Variants in FRMD6 observed in about 807,000 individuals in gnomAD.
The protein encoded by FRMD6 is FERM domain containing 6.
A neutral mutation model predicts 73.2 loss-of-function variants in FRMD6; 37 were observed. The ratio of observed to expected loss-of-function variants is 0.51; its 90% CI spans 0.39 to 0.66. FRMD6 has a LOEUF of 0.66. Ranked by LOEUF, FRMD6 falls within the 30% of genes least tolerant of loss-of-function variation. The pLI is 0.00. For missense variants in FRMD6, 714 were observed against 780.5 expected (o/e 0.91, Z 1.02); for synonymous variants, 273 against 282.2 (o/e 0.97, Z 0.33).
At chr14:51,654,303 A>AC (rs1442428253) in intron 1 of FRMD6, among the ~76,000 whole-genome samples, 1 of 70,888 alleles carries the variant, frequency 1.4e-5, no homozygotes, top group Admixed American at 1.7e-4. Context: ...GGTTAGCTGA[A>AC]TTGGGGGGGG....
At chr14:51,546,420 G>A (rs1267153958) in intron 1 of FRMD6, among the ~76,000 whole-genome samples, 4 of 129,310 alleles carry the variant, frequency 3.1e-5, no homozygotes, top group South Asian at 2.5e-4. Flanking sequence ...TTTTTAAATA[G>A]TTCCTGTAAA....
At chr14:51,693,314 G>A (rs143739145) in intron 2 of FRMD6, among the ~76,000 whole-genome samples, 157 of 152,156 alleles carry the variant, frequency 1.0e-3, no homozygotes, top group African/African-American at 3.5e-3. Flanking sequence ...TAATCCCTAG[G>A]CAGAGATAAA....
At chr14:51,455,697 A>G in the FRMD6 span, among the ~76,000 whole-genome samples, 3 of 152,178 alleles carry the variant, frequency 2.0e-5, no homozygotes, top group African/African-American at 7.2e-5. Flanking sequence ...CTTCAAACTC[A>G]GGGTTAATAG....
intron 1 of FRMD6, among the ~76,000 whole-genome samples, chr14:51,669,649 A>G (rs1055313239): frequency 2.0e-5 from 3 of 152,090 alleles, no homozygotes; most frequent in Non-Finnish European, 4.4e-5. Flanking sequence ...TGCTATTTGT[A>G]TATCTTTGGT....
At chr14:51,435,156 A>T in the FRMD6 span, among the ~76,000 whole-genome samples, 1 of 152,200 alleles carries the variant, frequency 6.6e-6, no homozygotes, top group Admixed American at 6.5e-5. Flanking sequence ...GTATTGTATC[A>T]ATGTCAATTT....
At chr14:51,542,832 T>C (rs539951052) in intron 1 of FRMD6, among the ~76,000 whole-genome samples, 35 of 152,182 alleles carry the variant, frequency 2.3e-4, no homozygotes, top group African/African-American at 7.9e-4. Context: ...AAGTCGTATA[T>C]GACTATAGTT....
intron 1 of FRMD6, among the ~76,000 whole-genome samples, chr14:51,680,033 A>G (rs1035429165): frequency 6.6e-6 from 1 of 152,204 alleles, no homozygotes; most frequent in African/African-American, 2.4e-5. Flanking sequence ...AAGGCGATTC[A>G]TTGGTTGAGT....
the FRMD6 span, among the ~76,000 whole-genome samples, chr14:51,447,128 C>G: frequency 6.6e-6 from 1 of 152,206 alleles, no homozygotes. Context: ...CTCCTAACTC[C>G]TTGCATTTCC....
chr14:51,633,365 G>A (rs958522553), intron 2 of FRMD6, among the ~76,000 whole-genome samples: 1 of 151,026 alleles, frequency 6.6e-6, no homozygotes, highest in African/African-American at 2.4e-5. Flanking sequence ...ACTTTGGGAG[G>A]CCCAGGTGGG....
chr14:51,456,702 C>T, the FRMD6 span, among the ~76,000 whole-genome samples: 17 of 152,164 alleles, frequency 1.1e-4, no homozygotes, highest in Admixed American at 7.2e-4. Flanking sequence ...TCTCCACTCC[C>T]GCATTTATGC....
the FRMD6 span, among the ~76,000 whole-genome samples, chr14:51,469,352 G>T: frequency 6.7e-6 from 1 of 149,510 alleles, no homozygotes; most frequent in African/African-American, 2.5e-5. Context: ...TATGGCTCAC[G>T]CCTGTAATCC....
intron 1 of FRMD6, among the ~76,000 whole-genome samples, chr14:51,522,493 CTGTAGCACCA>C (rs2140299707): frequency 6.6e-6 from 1 of 152,222 alleles, no homozygotes; most frequent in East Asian, 1.9e-4. Flanking sequence ...TTATAAAACC[CTGTAGCACCA>C]TGTTTTGGTA....
intron 7 of FRMD6, among the ~76,000 whole-genome samples, chr14:51,710,643 A>C (rs1391970784): frequency 6.6e-6 from 1 of 152,190 alleles, no homozygotes; most frequent in Admixed American, 6.6e-5. Flanking sequence ...TGTTTTAAAA[A>C]TATTTCATCC....
At chr14:51,546,389 A>AG (rs1483444986) in intron 1 of FRMD6, among the ~76,000 whole-genome samples, 2 of 136,154 alleles carry the variant, frequency 1.5e-5, no homozygotes, top group Admixed American at 1.6e-4. Context: ...CTCAGGAAAG[A>AG]GAAACTCTTT....
chr14:51,629,280 A>G (rs1594625472), intron 2 of FRMD6, among the ~76,000 whole-genome samples: 1 of 152,190 alleles, frequency 6.6e-6, no homozygotes, highest in African/African-American at 2.4e-5. Flanking sequence ...TCCATGCACC[A>G]ATTGAAGGAC....
the FRMD6 span, among the ~76,000 whole-genome samples, chr14:51,400,484 T>G: frequency 6.6e-6 from 1 of 152,236 alleles, no homozygotes; most frequent in Non-Finnish European, 1.5e-5. Context: ...TTTACTCTTG[T>G]CCATTATCAC....
chr14:51,577,839 G>A lies in FRMD6; in HGVS notation c.-147+7429G>A, dbSNP rs536964837. Among the ~76,000 whole-genome samples, 234 of 152,210 alleles carry A rather than the reference G, an allele frequency of 1.5e-3. 2 individuals are homozygous for A. The highest frequency in any genetic ancestry group is 4.0e-3 in the African/African-American group (168 of 41,530). On this transcript the variant is annotated intron_variant, in intron 2 of 14. Transcript: ENST00000356218. ...AAGTTCTGGGATACATGTGCAGAACGTGCAGTTTTGTTACATAGGTATACA... is the reference window on the plus strand; with the variant it reads ...AAGTTCTGGGATACATGTGCAGAACATGCAGTTTTGTTACATAGGTATACA...
intron 5 of FRMD6, chr14:51,704,521 G>C (rs117634391): frequency 4.0e-4 from 187 of 469,176 alleles, no homozygotes; most frequent in Non-Finnish European, 6.5e-4. Context: ...CTTAGGAAAC[G>C]TTATTTTTAT....
chr14:51,602,196 T>A (rs938816045), intron 2 of FRMD6, among the ~76,000 whole-genome samples: 3 of 152,316 alleles, frequency 2.0e-5, no homozygotes, highest in Admixed American at 1.3e-4. Context: ...AAGTAATTTT[T>A]GAACATATGG....
Sources: gnomAD v4.1 joint callset for allele counts (sites outside exome capture counted in the v4.1 genomes callset) on GRCh38, gnomAD v4.1.1 for gene constraint, MANE v1.5 for transcripts, NCBI Gene and HGNC (gene_info 2026-07-23, HGNC 2026-07-21) for gene names.